Variants in CHST8 observed in about 807,000 individuals in gnomAD.
CHST8 encodes the protein GALNAC-4-ST1.
In CHST8, 10 loss-of-function variants were observed where a neutral mutation model predicts 15.0. That is an observed-to-expected ratio of 0.67 (90% CI 0.41 to 1.13). The LOEUF is 1.13. Among genes scored for constraint, CHST8 ranks in the 50% most tolerant of loss-of-function variants. CHST8 has a pLI of 0.00. For missense variants in CHST8, 634 were observed against 608.2 expected (o/e 1.04, Z -0.45); for synonymous variants, 259 against 256.6 (o/e 1.01, Z -0.09).
At chr19:33,740,315 G>C (rs1974161498) in intron 3 of CHST8, among the ~76,000 whole-genome samples, 1 of 152,154 alleles carries the variant, frequency 6.6e-6, no homozygotes, top group African/African-American at 2.4e-5. Flanking sequence ...CAAGGCTGTG[G>C]GCATCGGTTT....
intron 3 of CHST8, among the ~76,000 whole-genome samples, chr19:33,760,567 A>G (rs976312173): frequency 1.3e-5 from 2 of 151,508 alleles, no homozygotes; most frequent in African/African-American, 4.9e-5. Context: ...TAATCCATCC[A>G]TCTTGGCCTC....
rs557313187 is a variant in CHST8, at chr19:33,772,875, C to T, written c.1087C>T (p.Arg363Cys). 16 of 1,613,522 alleles carry T rather than the reference C, an allele frequency of 9.9e-6. No individual in the cohort carries two copies. The highest frequency in any genetic ancestry group is 1.3e-5 in the African/African-American group (1 of 75,070). The change falls in exon 5 of 5, where the codon CGC (arginine) becomes TGC (cysteine). Residue 363 changes from arginine (R) to cysteine (C), a missense_variant. Transcript: ENST00000650847. ...TGCCAACTTCTTCCTGAGCCTCATC[C>T]GCGCGCCGCGGAACCTGACCTTCCC... ...DDANFFLSLI[R>C]APRNLTFPRF...
chr19:33,742,762 A>G (rs189212876), intron 3 of CHST8, among the ~76,000 whole-genome samples: 227 of 152,158 alleles, frequency 1.5e-3, no homozygotes, highest in African/African-American at 5.2e-3. Context: ...TTGGGATGCC[A>G]TGTTTTGGTG....
intron 1 of CHST8, among the ~76,000 whole-genome samples, chr19:33,638,809 G>A (rs560151616): frequency 6.6e-6 from 1 of 152,218 alleles, no homozygotes; most frequent in African/African-American, 2.4e-5. Context: ...CCTGCATGCT[G>A]GTGGATTTTT....
intron 3 of CHST8, among the ~76,000 whole-genome samples, chr19:33,742,503 A>T (rs1974215288): frequency 6.6e-6 from 1 of 152,100 alleles, no homozygotes; most frequent in Non-Finnish European, 1.5e-5. Flanking sequence ...CAGAGCAAGA[A>T]CTCGCTCATT....
chr19:33,702,659 CT>C (rs1477277171), intron 3 of CHST8, among the ~76,000 whole-genome samples: 4 of 152,204 alleles, frequency 2.6e-5, no homozygotes, highest in Non-Finnish European at 5.9e-5. Flanking sequence ...TGGGTTGCGT[CT>C]CCACAGTGGC....
chr19:33,689,398 C>A lies in CHST8; in HGVS notation c.130+7C>A. ...GCCCCCCAGCAGGTGCCAGGTGAGT[C>A]CTTGCGCTGAGTCCTGCCATCACTG... On this transcript the variant is annotated splice_region_variant and intron_variant, in intron 3 of 4. Coordinates refer to ENST00000650847, the MANE Select transcript of CHST8 (RefSeq NM_001127895.2). 6.3e-7 allele frequency: 1 copy of A among 1,578,688 alleles called. No individual in the cohort carries two copies. Among genetic ancestry groups the A allele is most frequent in the East Asian group, 2.3e-5 (1 of 43,014 alleles).
intron 1 of CHST8, among the ~76,000 whole-genome samples, chr19:33,654,370 C>T (rs1024184317): frequency 6.6e-6 from 1 of 151,978 alleles, no homozygotes. Context: ...GCTTGTTTTT[C>T]CTCATGGCGA....
chr19:33,739,028 C>T (rs114206610), intron 3 of CHST8, among the ~76,000 whole-genome samples: 3,690 of 152,168 alleles, frequency 0.024, 44 homozygotes, highest in Non-Finnish European at 0.027. Flanking sequence ...CAGTATGGGC[C>T]GCATCCACAG....
chr19:33,743,528 C>G (rs10407865), intron 3 of CHST8, among the ~76,000 whole-genome samples: 10,923 of 152,036 alleles, frequency 0.072, 1,273 homozygotes, highest in African/African-American at 0.25. Context: ...GTCTCGATCT[C>G]CTGACCTCGT....
At chr19:33,685,954 G>C (rs1324111534) in intron 2 of CHST8, among the ~76,000 whole-genome samples, 2 of 152,176 alleles carry the variant, frequency 1.3e-5, no homozygotes, top group South Asian at 2.1e-4. Flanking sequence ...CCATACTGCT[G>C]GCCAGTTACC....
In CHST8 at chr19:33,757,403, A is replaced by G. The variant is rs560948779; in HGVS notation, c.131-14010A>G. 8.3e-3 allele frequency among the ~76,000 whole-genome samples: 44 copies of G among 5,290 alleles called. 2 individuals carry two copies. Among genetic ancestry groups the G allele is most frequent in the African/African-American group, 0.02 (43 of 2,098 alleles). The allele number at this position is 5,290 out of a possible 152,430, so 3.5% of individuals were successfully genotyped here. On this transcript the variant is annotated intron_variant, in intron 3 of 4. Coordinates refer to ENST00000650847, the MANE Select transcript of CHST8 (RefSeq NM_001127895.2). ...TCAAAAAAAGAAGAAAGAAAGAAAG[A>G]AAGAAAGAAAGAAAGAAAGAAAGAA...
chr19:33,760,417 A>T (rs1345373426), intron 3 of CHST8, among the ~76,000 whole-genome samples: 1 of 151,446 alleles, frequency 6.6e-6, no homozygotes, highest in African/African-American at 2.4e-5. Context: ...GCTTGGACTC[A>T]ACTGATCCTC....
intron 3 of CHST8, among the ~76,000 whole-genome samples, chr19:33,691,321 C>T (rs1026459190): frequency 3.3e-5 from 5 of 152,186 alleles, no homozygotes; most frequent in African/African-American, 4.8e-5. Context: ...AAGGAGCACA[C>T]GTGGGTCTTC....
chr19:33,704,908 T>TA (rs553461502), intron 3 of CHST8, among the ~76,000 whole-genome samples: 2,585 of 127,338 alleles, frequency 0.02, 64 homozygotes, highest in African/African-American at 0.063. Flanking sequence ...GATGCTGTCT[T>TA]AAAAAAAAAA....
At chr19:33,751,381 T>C (rs1351639693) in intron 3 of CHST8, among the ~76,000 whole-genome samples, 1 of 152,244 alleles carries the variant, frequency 6.6e-6, no homozygotes, top group Non-Finnish European at 1.5e-5. Flanking sequence ...TAATTAGTGC[T>C]TAAAATGTTA....
At chr19:33,765,378 A>AT (rs1206965429) in intron 3 of CHST8, among the ~76,000 whole-genome samples, 1 of 152,026 alleles carries the variant, frequency 6.6e-6, no homozygotes, top group African/African-American at 2.4e-5. Context: ...CATTTTTGTC[A>AT]TTTTAAGCCT....
At chr19:33,704,725 C>T (rs1323701495) in intron 3 of CHST8, among the ~76,000 whole-genome samples, 7 of 152,242 alleles carry the variant, frequency 4.6e-5, no homozygotes, top group Admixed American at 1.3e-4. Flanking sequence ...GCCTGGCCAA[C>T]GTGGTGAAAC....
At chr19:33,666,604 AG>A (rs1180571165) in intron 1 of CHST8, among the ~76,000 whole-genome samples, 3 of 152,108 alleles carry the variant, frequency 2.0e-5, no homozygotes, top group African/African-American at 7.2e-5. Flanking sequence ...GTGGGAGGAG[AG>A]GGGTATTGAT....
Sources: allele counts gnomAD v4.1 joint callset (sites outside exome capture counted in the v4.1 genomes callset), GRCh38; gene constraint gnomAD v4.1.1; transcripts MANE v1.5; gene names NCBI Gene and HGNC (gene_info 2026-07-23, HGNC 2026-07-21).